The following CACNA1E variants were observed in gnomAD, a reference collection of about 807,000 sequenced individuals.
The protein encoded by CACNA1E is voltage-dependent R-type calcium channel subunit alpha-1E.
CACNA1E carries 40 observed loss-of-function variants against 259.2 expected under a neutral mutation model. The ratio of observed to expected loss-of-function variants is 0.15; its 90% confidence interval spans 0.12 to 0.20. The LOEUF (loss-of-function observed/expected upper bound fraction) is 0.20, where lower values mean the gene tolerates loss of function less well. Ranked by LOEUF, CACNA1E falls within the 10% of genes least tolerant of loss-of-function variation. The pLI, the probability that CACNA1E is intolerant of heterozygous loss-of-function variation, is 1.00. For synonymous variants in CACNA1E, 1,104 were observed against 1,138.5 expected, an observed-to-expected ratio of 0.97 and a Z score of 0.61; for missense variants, 1,874 against 3,040.1, an observed-to-expected ratio of 0.62 and a Z score of 9.02.
chr1:181,648,590 C>T (rs1292558790), intron 6 of CACNA1E, among the ~76,000 whole-genome samples: 1 of 151,998 alleles, frequency 6.6e-6, no homozygotes, highest in Non-Finnish European at 1.5e-5. Flanking sequence ...CTGCTGTTTC[C>T]CAAATTTCTT....
intron 43 of CACNA1E, among the ~76,000 whole-genome samples, chr1:181,787,246 A>T (rs2102854303): frequency 6.6e-6 from 1 of 151,730 alleles, no homozygotes; most frequent in South Asian, 2.1e-4. Flanking sequence ...CAGCCTCCCG[A>T]GTAGCTGGGA....
At chr1:181,454,227 A>G (rs1661321276) in intron 2 of CACNA1E, among the ~76,000 whole-genome samples, 1 of 152,212 alleles carries the variant, frequency 6.6e-6, no homozygotes, top group Admixed American at 6.5e-5. Flanking sequence ...CAGGAAAGCC[A>G]TGCTGTATGG....
At chr1:181,489,588 C>A (rs1414284039) in intron 1 of CACNA1E, among the ~76,000 whole-genome samples, 4 of 152,098 alleles carry the variant, frequency 2.6e-5, no homozygotes, top group Non-Finnish European at 5.9e-5. Context: ...CATTTGAGTG[C>A]CCCCAAAATA....
chr1:181,515,904 A>G (rs910820393), intron 3 of CACNA1E, among the ~76,000 whole-genome samples: 3 of 152,166 alleles, frequency 2.0e-5, no homozygotes, highest in Non-Finnish European at 4.4e-5. Context: ...TCTTGTCTAT[A>G]GGATACAAAA....
At chr1:181,455,963 C>A (rs1330756427) in intron 2 of CACNA1E, among the ~76,000 whole-genome samples, 1 of 152,104 alleles carries the variant, frequency 6.6e-6, no homozygotes, top group Non-Finnish European at 1.5e-5. Flanking sequence ...GTGGCCTATG[C>A]CTGTGGGACT....
At chr1:181,575,051 C>T (rs1198463264) in intron 3 of CACNA1E, among the ~76,000 whole-genome samples, 1 of 151,886 alleles carries the variant, frequency 6.6e-6, no homozygotes, top group African/African-American at 2.4e-5. Context: ...TCCCATTGTC[C>T]CTGCTTACTT....
At chr1:181,408,074 A>C (rs190797814) in intron 1 of CACNA1E, among the ~76,000 whole-genome samples, 3 of 152,226 alleles carry the variant, frequency 2.0e-5, no homozygotes, top group Admixed American at 6.5e-5. Flanking sequence ...TCTGTCCACT[A>C]TCTCTTAGCC....
At chr1:181,391,623 G>A (rs530363583) in intron 1 of CACNA1E, among the ~76,000 whole-genome samples, 2 of 152,234 alleles carry the variant, frequency 1.3e-5, no homozygotes, top group South Asian at 2.1e-4. Context: ...GGAAATACTC[G>A]GGCTCCTCTT....
rs189792952 is a variant in CACNA1E at position 181,750,485 on chromosome 1, G to C, written c.3729G>C (p.Leu1243Phe). The change falls in exon 26 of 48, where the codon TTG (leucine) becomes TTC (phenylalanine). Residue 1243 changes from leucine (L) to phenylalanine (F), a missense_variant and splice_region_variant. By Grantham distance (22) the Leu-to-Phe change is conservative. Transcript: ENST00000367573. Reference protein sequence around the residue: ...ALVAFALANALGTNKGRDIKT... With the variant: ...ALVAFALANAFGTNKGRDIKT... Reference sequence around the variant, plus strand: ...ATTGGATCCTCCATAGGAACGCTTTGGGGTAAATATGTTCGATTATCTTTG... The same window carrying C: ...ATTGGATCCTCCATAGGAACGCTTTCGGGTAAATATGTTCGATTATCTTTG... 1 of 1,613,082 alleles carries C rather than the reference G, an allele frequency of 6.2e-7. No homozygotes were observed. Among genetic ancestry groups the C allele is most frequent in the Non-Finnish European group, 8.5e-7 (1 of 1,179,296 alleles).
At chr1:181,679,153 G>A (rs1478023190) in intron 7 of CACNA1E, among the ~76,000 whole-genome samples, 1 of 152,188 alleles carries the variant, frequency 6.6e-6, no homozygotes, top group East Asian at 1.9e-4. Context: ...TGTAAACGAT[G>A]AAGAAATCTG....
At chr1:181,412,581 G>T (rs1657932996) in intron 1 of CACNA1E, among the ~76,000 whole-genome samples, 1 of 151,544 alleles carries the variant, frequency 6.6e-6, no homozygotes, top group South Asian at 2.1e-4. Flanking sequence ...AAAAAGGAGA[G>T]ACCACCTTGT....
intron 6 of CACNA1E, among the ~76,000 whole-genome samples, chr1:181,628,293 G>T (rs1465943684): frequency 6.6e-6 from 1 of 152,126 alleles, no homozygotes; most frequent in Non-Finnish European, 1.5e-5. Context: ...AATGTCCAGG[G>T]TTTACAGAGT....
intron 2 of CACNA1E, among the ~76,000 whole-genome samples, chr1:181,444,663 T>G (rs1225869827): frequency 6.6e-6 from 1 of 152,236 alleles, no homozygotes; most frequent in Non-Finnish European, 1.5e-5. Flanking sequence ...TGCTATCTAC[T>G]TGGGACCCTG....
At chr1:181,658,443 C>G (rs970794011) in intron 7 of CACNA1E, among the ~76,000 whole-genome samples, 8 of 152,240 alleles carry the variant, frequency 5.3e-5, no homozygotes, top group African/African-American at 1.9e-4. Context: ...AGCCTGCTTC[C>G]TCCTCTGTAA....
intron 7 of CACNA1E, among the ~76,000 whole-genome samples, chr1:181,679,766 G>C (rs1649750712): frequency 6.6e-6 from 1 of 152,142 alleles, no homozygotes; most frequent in Non-Finnish European, 1.5e-5. Flanking sequence ...CAGGCAACCT[G>C]TTACTTGCCA....
chr1:181,716,059 C>T lies in CACNA1E; in HGVS notation c.1245C>T (p.Ile415=), dbSNP rs1438741658. The part of the protein sequence containing the change: ...SALEVLRRAT[I]KRSRTEAMTR... ...ATGCAGTGCTTCGAAGGGCAACCAT[C>T]AAGAGGAGCCGGACAGAGGCCATGA... The change falls in exon 10 of 48, where the codon ATC becomes ATT. Residue 415 remains isoleucine, a synonymous_variant. Transcript: ENST00000367573. 1.9e-6 allele frequency: 3 copies of T among 1,570,906 alleles called. No individual in the cohort carries two copies. In the African/African-American group the frequency reaches 4.1e-5, roughly 21 times the overall value.
At chr1:181,474,848 T>C (rs1468393653) in intron 2 of CACNA1E, among the ~76,000 whole-genome samples, 1 of 152,248 alleles carries the variant, frequency 6.6e-6, no homozygotes, top group Non-Finnish European at 1.5e-5. Flanking sequence ...CAATGAACCC[T>C]ATTGTTTAAT....
chr1:181,712,849 G>A (rs752189287), intron 8 of CACNA1E, among the ~76,000 whole-genome samples: 6 of 152,084 alleles, frequency 3.9e-5, no homozygotes, highest in Non-Finnish European at 8.8e-5. Context: ...GAAGGAGCCC[G>A]CCCAGCCTTG....
intron 18 of CACNA1E, among the ~76,000 whole-genome samples, chr1:181,728,748 T>C (rs1232006133): frequency 1.3e-5 from 2 of 151,958 alleles, no homozygotes; most frequent in Non-Finnish European, 2.9e-5. Flanking sequence ...CAGGTGTGTG[T>C]GCATTTTGCT....
Sources: allele counts gnomAD v4.1 joint callset (sites outside exome capture counted in the v4.1 genomes callset), GRCh38; gene constraint gnomAD v4.1.1; transcripts MANE v1.5; gene names NCBI Gene and HGNC (gene_info 2026-07-23, HGNC 2026-07-21).